The following CCDC136 variants were observed in gnomAD, a reference collection of about 807,000 sequenced individuals.
CCDC136 encodes coiled-coil domain containing 136.
A neutral mutation model predicts 141.2 loss-of-function variants in CCDC136; 100 were observed. The observed-to-expected ratio is 0.71, with a 90% CI of 0.60 to 0.84. CCDC136 has a LOEUF of 0.84. CCDC136 is among the 40% of genes least tolerant of loss of function. CCDC136 has a pLI of 0.00. For missense variants in CCDC136, 1,206 were observed against 1,379.4 expected (o/e 0.87, Z 1.99); for synonymous variants, 474 against 531.9 (o/e 0.89, Z 1.50).
At chr7:128,799,373 A>G (rs1182128656) in intron 3 of CCDC136, among the ~76,000 whole-genome samples, 2 of 151,698 alleles carry the variant, frequency 1.3e-5, no homozygotes, top group African/African-American at 2.4e-5. Context: ...CCAAACCCCA[A>G]ATGTTTAGTT....
At chr7:128,791,095 T>A, upstream of CCDC136, 1 of 177,096 alleles carries the variant, frequency 5.6e-6, no homozygotes, top group Non-Finnish European at 1.2e-5. This position sits in a 1 kb window ranked among gnomAD's most constrained non-coding sequence, Gnocchi z 7.1. Context: ...GACCGGGCCC[T>A]GACACCTGGT....
rs768112349 is a variant in CCDC136 at position 128,812,741 on chromosome 7, A to G, written c.2575A>G (p.Lys859Glu). 9 of 1,613,536 alleles carry G rather than the reference A, an allele frequency of 5.6e-6. No individual in the cohort carries two copies. Among genetic ancestry groups the G allele is most frequent in the Non-Finnish European group, 7.6e-6 (9 of 1,179,854 alleles). Residue 859 changes from lysine to glutamate, a missense_variant, in exon 14 of 18, where the codon AAG (lysine) becomes GAG (glutamate). Transcript: ENST00000297788. ...GGAAATGGTTGTGAAAGTGCTGATC[A>G]AGCTGCAGGCGGTGCAGGCCATGTA... ...FEEMVVKVLI[K>E]LQAVQAMYQI...
rs75986454 is a variant in CCDC136 at position 128,801,793 on chromosome 7, T to G, written c.670+284T>G. Among the ~76,000 whole-genome samples the G allele has an allele frequency of 7.4e-3, 1,119 of 152,170 alleles. 10 individuals carry two copies. Among genetic ancestry groups the G allele is most frequent in the South Asian group, 0.032 (154 of 4,818 alleles). ...CTAAAAGAAAAATTTAAATAAAAAT[T>G]TTAAAAAGACAGTAAAGGGGAAAAA... is the stretch of plus-strand genomic sequence containing the variant. On this transcript the variant is annotated intron_variant, in intron 4 of 17. Coordinates refer to ENST00000297788, the MANE Select transcript of CCDC136 (RefSeq NM_022742.5).
At chr7:128,809,068 A>T (rs922325469) in intron 10 of CCDC136, 1 of 689,830 alleles carries the variant, frequency 1.4e-6, no homozygotes. Context: ...AACTGGGGTT[A>T]ATGAGAATAA....
chr7:128,792,276 GCCAGCCCCCCACCCC>G lies in CCDC136; in HGVS notation c.-127_-113del. 6.9e-7 allele frequency: 1 copy of G among 1,450,186 alleles called. No individual in the cohort carries two copies. The highest frequency in any genetic ancestry group is 9.2e-7 in the Non-Finnish European group (1 of 1,083,424). The allele number at this position is 1,450,186 out of a possible 1,614,324, so 89.8% of individuals were successfully genotyped here. A position where few individuals can be genotyped will look rare whatever the true frequency, so the allele number is the denominator to read the frequency against. ...TCTTTCCTCTGCACCCCAGCCCGCA[GCCAGCCCCCCACCCC>G]CCAGCCCCTCCTTTCTCCCTGCTCT... On this transcript the variant is annotated 5_prime_UTR_variant, in exon 1 of 18. Transcript: ENST00000297788.
At chr7:128,820,706 C>G (rs1807328693) in intron 17 of CCDC136, among the ~76,000 whole-genome samples, 1 of 152,202 alleles carries the variant, frequency 6.6e-6, no homozygotes, top group East Asian at 1.9e-4. Context: ...TCAAGCGATC[C>G]TCCTCCCTCA....
In CCDC136 at chr7:128,821,393, A is replaced by C. The variant is rs1807417039; in HGVS notation, c.*6-406A>C. On this transcript the variant is annotated intron_variant, in intron 17 of 17. Coordinates refer to ENST00000297788, the MANE Select transcript of CCDC136 (RefSeq NM_022742.5). This position sits in a 1 kb window ranked among gnomAD's most constrained non-coding sequence, Gnocchi z 5.1. ...CCCCTTCCCCATCCTCTTGACTCTG[A>C]GTTCACTTCACTGCAGTGAAACTAA... Among the ~76,000 whole-genome samples, 1 of 152,064 alleles carries C rather than the reference A, an allele frequency of 6.6e-6. No homozygotes were observed. The highest frequency in any genetic ancestry group is 1.5e-5 in the Non-Finnish European group (1 of 68,030).
chr7:128,814,635 C>T lies in CCDC136; in HGVS notation c.2764-3C>T. The T allele has an allele frequency of 6.4e-7, 1 of 1,555,622 alleles. No homozygotes were observed. Among genetic ancestry groups the T allele is most frequent in the South Asian group, 1.2e-5 (1 of 81,768 alleles). ...TGGGTAACTGGCCCTCCACTACCAA[C>T]AGATCAAAGAACTGCAGACCAAGCT... On this transcript the variant is annotated splice_region_variant and splice_polypyrimidine_tract_variant and intron_variant, in intron 14 of 17. Transcript: ENST00000297788.
intron 14 of CCDC136, among the ~76,000 whole-genome samples, chr7:128,814,029 G>C (rs961828334): frequency 1.3e-5 from 2 of 151,908 alleles, no homozygotes; most frequent in African/African-American, 4.8e-5. Context: ...AGAATTGGTA[G>C]CAGCCCTATT....
upstream of CCDC136, chr7:128,791,592 T>C: frequency 1.7e-6 from 2 of 1,193,158 alleles, no homozygotes; most frequent in South Asian, 7.3e-5. The surrounding 1 kb of genome is among the most constrained non-coding windows in gnomAD (Gnocchi z 7.1). Context: ...CGCCCCTCCT[T>C]TCTCTCCTCC....
Position 128,792,058 on chromosome 7 carries a change from G to A in CCDC136, c.-354G>A. 1 of 1,290,694 alleles carries A rather than the reference G, an allele frequency of 7.7e-7. No individual in the cohort carries two copies. The highest frequency in any genetic ancestry group is 9.8e-7 in the Non-Finnish European group (1 of 1,018,590). The allele number at this position is 1,290,694 out of a possible 1,614,324, so 80.0% of individuals were successfully genotyped here. ...TGGCCCTCTCCTCCCTGTCCCCCCG[G>A]ACTAAATACGCACACCCCCTCTTTC... is the stretch of plus-strand genomic sequence containing the variant. On this transcript the variant is annotated 5_prime_UTR_variant, in exon 1 of 18. Transcript: ENST00000297788.
chr7:128,809,603 A>G lies in CCDC136; in HGVS notation c.1759A>G (p.Arg587Gly), dbSNP rs1345174119. Residue 587 changes from arginine (R) to glycine (G), a missense_variant, in exon 11 of 18, where the codon AGG becomes GGG. Arg to Gly is a moderately radical substitution (Grantham distance 125). Transcript: ENST00000297788. ...EQGQLQEELH[R>G]LTLPLPKSGL... ...GGGCCAGCTGCAGGAAGAGCTGCAC[A>G]GGCTCACACTGCCACTGCCAAAGAG... 3 of 1,560,680 alleles carry G rather than the reference A, an allele frequency of 1.9e-6. No individual in the cohort carries two copies. In the South Asian group the frequency reaches 3.6e-5, roughly 19 times the overall value.
chr7:128,803,998 A>ATTT (rs1305256908), intron 4 of CCDC136, among the ~76,000 whole-genome samples: 48 of 152,240 alleles, frequency 3.2e-4, no homozygotes, highest in Middle Eastern at 3.4e-3. Context: ...TATTTTTAGT[A>ATTT]GAGACAGGGG....
chr7:128,801,295 T>G lies in CCDC136; in HGVS notation c.456T>G (p.Ser152Arg), dbSNP rs747944849. The G allele has an allele frequency of 6.2e-7, 1 of 1,613,634 alleles. No homozygotes were observed. The highest frequency in any genetic ancestry group is 8.5e-7 in the Non-Finnish European group (1 of 1,179,820). ...ATTTGGCCCAGGCTGAGATCCAGAG[T>G]CTGCGGCAAGCAGCAGAGGATTCCG... is the stretch of plus-strand genomic sequence containing the variant. Reference protein sequence around the residue: ...ELHLAQAEIQSLRQAAEDSAT... With the variant: ...ELHLAQAEIQRLRQAAEDSAT... The change falls in exon 4 of 18, where the codon AGT becomes AGG. Residue 152 changes from serine to arginine, a missense_variant. Coordinates refer to ENST00000297788, the MANE Select transcript of CCDC136 (RefSeq NM_022742.5).
Position 128,812,099 on chromosome 7 carries a change from C to T in CCDC136, c.2328C>T (p.Tyr776=), listed in dbSNP as rs1446109966. 7.4e-6 allele frequency: 12 copies of T among 1,614,050 alleles called. No homozygotes were observed. Among genetic ancestry groups the T allele is most frequent in the Non-Finnish European group, 1.0e-5 (12 of 1,179,888 alleles). Residue 776 remains tyrosine, a synonymous_variant, in exon 13 of 18, where the codon TAC becomes TAT. Transcript: ENST00000297788. ...ACAATGAGAGCTATTACAAGAGTTA[C>T]ACCAGCACCCAGACCAGCAGCAAGA... ...VDDNESYYKS[Y]TSTQTSSKSF...
rs1804838553 is a variant in CCDC136, at chr7:128,806,376, T to C, written c.1229T>C (p.Val410Ala). The C allele has an allele frequency of 6.2e-7, 1 of 1,603,984 alleles. No individual in the cohort carries two copies. Among genetic ancestry groups the C allele is most frequent in the African/African-American group, 1.3e-5 (1 of 74,878 alleles). Residue 410 changes from valine to alanine, a missense_variant, in exon 8 of 18, where the codon GTA becomes GCA. Transcript: ENST00000297788. ...CTCAAAGTCATGAAATCCACACTTG[T>C]AGAAAACCAGAGTGAGAAGGTAACA... ...RQLKVMKSTL[V>A]ENQSEKELLC... is the part of the protein sequence containing the mutation.
chr7:128,815,602 C>T lies in CCDC136; in HGVS notation c.3046-12C>T, dbSNP rs1409520029. ...AACGCAGCCGCCATCCTGCCCTACT[C>T]CCACCCCACAGAGTCTGGAGGTAGT... is the stretch of plus-strand genomic sequence containing the variant. On this transcript the variant is annotated splice_polypyrimidine_tract_variant and intron_variant, in intron 15 of 17. Transcript: ENST00000297788. The T allele has an allele frequency of 2.6e-6, 4 of 1,548,474 alleles. No individual in the cohort carries two copies. The highest frequency in any genetic ancestry group is 1.4e-5 in the African/African-American group (1 of 72,828).
chr7:128,802,840 G>GA lies in CCDC136; in HGVS notation c.670+1333dup, dbSNP rs200369124. Among the ~76,000 whole-genome samples the GA allele has an allele frequency of 7.4e-3, 1,120 of 152,184 alleles. 10 individuals carry two copies. The highest frequency in any genetic ancestry group is 0.032 in the South Asian group (155 of 4,828). On this transcript the variant is annotated intron_variant, in intron 4 of 17. Transcript: ENST00000297788. ...TTCTAAAATTCAAAGTTTATTTAAAGAAGAAAAAAACCTTACAGAGCTATT... is the reference window on the plus strand; with the variant it reads ...TTCTAAAATTCAAAGTTTATTTAAAGAAAGAAAAAAACCTTACAGAGCTATT...
At chr7:128,793,074 G>A (rs1370856442) in intron 1 of CCDC136, among the ~76,000 whole-genome samples, 1 of 152,240 alleles carries the variant, frequency 6.6e-6, no homozygotes, top group Admixed American at 6.5e-5. Context: ...CCCCTAAGGG[G>A]GACAGATGGC....
Sources: gnomAD v4.1 joint callset for allele counts (sites outside exome capture counted in the v4.1 genomes callset) on GRCh38, gnomAD v4.1.1 for gene constraint, Gnocchi (gnomAD v3.1) non-coding constraint, MANE v1.5 for transcripts, NCBI Gene and HGNC (gene_info 2026-07-23, HGNC 2026-07-21) for gene names.